The following CHL1 variants were observed in gnomAD, a reference collection of about 807,000 sequenced individuals.
CHL1 encodes the protein cell adhesion molecule L1 like.
In CHL1, 96 loss-of-function variants were observed where a neutral mutation model predicts 141.9. The observed-to-expected ratio is 0.68, with a 90% CI of 0.57 to 0.80. CHL1 has a LOEUF of 0.80. CHL1 is among the 30% of genes least tolerant of loss of function. CHL1 has a pLI of 0.00. For missense variants in CHL1, 1,820 were observed against 1,457.2 expected, an observed-to-expected ratio of 1.25 and a Z score of -4.05; for synonymous variants, 613 against 502.2, an observed-to-expected ratio of 1.22 and a Z score of -2.95.
chr3:260,299 A>C (rs1168299770), intron 2 of CHL1, among the ~76,000 whole-genome samples: 1 of 147,148 alleles, frequency 6.8e-6, no homozygotes, highest in Non-Finnish European at 1.5e-5. Flanking sequence ...AAAAATCAAA[A>C]AATGGCCATC....
chr3:403,770 A>G (rs553356045), intron 27 of CHL1, among the ~76,000 whole-genome samples: 1 of 152,286 alleles, frequency 6.6e-6, no homozygotes, highest in South Asian at 2.1e-4. Flanking sequence ...TCTTTCCCCC[A>G]AACTACATAT....
chr3:302,787 C>T lies in CHL1; in HGVS notation c.-94-16896C>T, dbSNP rs182270317. On this transcript the variant is annotated intron_variant, in intron 2 of 27. Coordinates refer to ENST00000256509, the MANE Select transcript of CHL1 (RefSeq NM_006614.4). ...TCAGTGTTGGCTTTTGTTGCCATTGCTTTTAGTGTTTTAGACATGAATTCT... is the reference window on the plus strand; with the variant it reads ...TCAGTGTTGGCTTTTGTTGCCATTGTTTTTAGTGTTTTAGACATGAATTCT... Among the ~76,000 whole-genome samples the T allele has an allele frequency of 6.3e-3, 965 of 152,220 alleles. 9 individuals are homozygous for T. Among genetic ancestry groups the T allele is most frequent in the Middle Eastern group, 0.024 (7 of 294 alleles).
chr3:286,001 C>T (rs1697098983), intron 2 of CHL1, among the ~76,000 whole-genome samples: 1 of 152,064 alleles, frequency 6.6e-6, no homozygotes, highest in South Asian at 2.1e-4. Flanking sequence ...AACATAATTA[C>T]AGTAATGAAT....
chr3:242,673 T>C (rs402356), intron 1 of CHL1, among the ~76,000 whole-genome samples: 103,668 of 146,634 alleles, frequency 0.71, 35,950 homozygotes, highest in East Asian at 0.9. Flanking sequence ...TAAGAACACA[T>C]GCACACAAAC....
At position 229,103 on chromosome 3, in the gene CHL1, A is replaced by G. The variant is rs573650953; in HGVS notation, c.-174-15510A>G. The stretch of plus-strand genomic sequence containing the variant: ...CAAGCAACCAGCACAGTGAACACTG[A>G]TTTTTGCATTAGCCCCATGTGTTGT... On this transcript the variant is annotated intron_variant, in intron 1 of 27. Transcript: ENST00000256509. Among the ~76,000 whole-genome samples the G allele has an allele frequency of 3.3e-5, 5 of 152,230 alleles. No homozygotes were observed. In the East Asian group the frequency reaches 9.6e-4, roughly 29 times the overall value.
intron 11 of CHL1, among the ~76,000 whole-genome samples, chr3:357,795 T>G (rs1000228557): frequency 2.0e-5 from 3 of 152,206 alleles, no homozygotes; most frequent in South Asian, 4.1e-4. Context: ...ATTTATATAG[T>G]CTAATTTCTT....
rs151116023 is a variant in CHL1, at chr3:310,235, G to T, written c.-94-9448G>T. On this transcript the variant is annotated intron_variant, in intron 2 of 27. Transcript: ENST00000256509. ...ATTTAAGGCCAGGAGTTTGGGAACA[G>T]CCTGGACAGCATAGTGAGACCCCTA... is the stretch of plus-strand genomic sequence containing the variant. 2.8e-3 allele frequency among the ~76,000 whole-genome samples: 430 copies of T among 152,246 alleles called. 4 individuals are homozygous for T. Among genetic ancestry groups the T allele is most frequent in the African/African-American group, 9.9e-3 (410 of 41,530 alleles).
intron 2 of CHL1, among the ~76,000 whole-genome samples, chr3:275,927 G>GT (rs1238137279): frequency 2.0e-5 from 3 of 151,920 alleles, no homozygotes; most frequent in African/African-American, 7.2e-5. Flanking sequence ...TGGCTAAGTA[G>GT]TTTATATTTT....
intron 5 of CHL1, among the ~76,000 whole-genome samples, chr3:337,982 A>G (rs1193552369): frequency 6.6e-6 from 1 of 152,184 alleles, no homozygotes; most frequent in Non-Finnish European, 1.5e-5. Flanking sequence ...TTACAGTCCC[A>G]CCAACAGTTT....
intron 1 of CHL1, among the ~76,000 whole-genome samples, chr3:239,595 A>AT (rs5845955): frequency 0.34 from 49,027 of 145,926 alleles, 9,822 homozygotes; most frequent in Admixed American, 0.45. Flanking sequence ...GTATATATAT[A>AT]AAATATATAT....
chr3:240,254 C>T (rs1280713281), intron 1 of CHL1, among the ~76,000 whole-genome samples: 1 of 152,092 alleles, frequency 6.6e-6, no homozygotes, highest in East Asian at 1.9e-4. Flanking sequence ...ACACCAACAT[C>T]CACTATTTTT....
intron 10 of CHL1, 116 bp downstream of exon 10, chr3:349,659 A>G (rs1225283388): frequency 8.2e-6 from 7 of 849,476 alleles, no homozygotes; most frequent in Non-Finnish European, 1.1e-5. Context: ...TCAACTTTTA[A>G]TTGTAGTGCG....
At chr3:337,214 G>A (rs1377425377) in intron 5 of CHL1, among the ~76,000 whole-genome samples, 4 of 143,210 alleles carry the variant, frequency 2.8e-5, no homozygotes, top group African/African-American at 1.0e-4. Flanking sequence ...TTTTTGAGAC[G>A]GGGTCTTGCT....
rs1709143982 is a variant in CHL1, at chr3:401,617, C to CT, written c.3386-3dup. On this transcript the variant is annotated splice_polypyrimidine_tract_variant and intron_variant, in intron 26 of 27. Transcript: ENST00000256509. ...GTATTACTTTTCCCACTTTTTTTCT[C>CT]TTTTTTAGTTAAAGAAAAGGAAGAT... The CT allele has an allele frequency of 1.3e-6, 2 of 1,551,312 alleles. No individual in the cohort carries two copies. Among genetic ancestry groups the CT allele is most frequent in the Non-Finnish European group, 1.8e-6 (2 of 1,134,918 alleles).
intron 2 of CHL1, among the ~76,000 whole-genome samples, chr3:313,958 C>T (rs904627225): frequency 6.6e-6 from 1 of 151,726 alleles, no homozygotes; most frequent in Non-Finnish European, 1.5e-5. Flanking sequence ...CAATGAGTTA[C>T]ATTAGTTGCT....
At chr3:212,276 A>G (rs1315571316) in intron 1 of CHL1, among the ~76,000 whole-genome samples, 1 of 152,128 alleles carries the variant, frequency 6.6e-6, no homozygotes, top group East Asian at 1.9e-4. Flanking sequence ...TTTATATAGC[A>G]TAATACATTT....
intron 15 of CHL1, among the ~76,000 whole-genome samples, chr3:376,251 G>A (rs1706298740): frequency 6.6e-6 from 1 of 152,194 alleles, no homozygotes; most frequent in East Asian, 1.9e-4. Context: ...ACACCATAGT[G>A]TGACCCCGTG....
rs140725144 is a variant in CHL1 at position 262,952 on chromosome 3, T to C, written c.-95+18260T>C. ...CTATCAGGTGAACTACAATTAGGTA[T>C]TAATCCTTAATGACAGCTTCCTAAT... is the stretch of plus-strand genomic sequence containing the variant. On this transcript the variant is annotated intron_variant, in intron 2 of 27. Coordinates refer to ENST00000256509, the MANE Select transcript of CHL1 (RefSeq NM_006614.4). Among the ~76,000 whole-genome samples the C allele has an allele frequency of 5.6e-3, 850 of 152,308 alleles. 7 individuals are homozygous for C. The highest frequency in any genetic ancestry group is 8.1e-3 in the Non-Finnish European group (554 of 68,036).
intron 2 of CHL1, among the ~76,000 whole-genome samples, chr3:251,340 A>G (rs1693676739): frequency 1.3e-5 from 2 of 152,186 alleles, no homozygotes; most frequent in Admixed American, 1.3e-4. Context: ...CCAGAAAAAT[A>G]TGAGTTCCAG....
Sources: gnomAD v4.1 joint callset for allele counts (sites outside exome capture counted in the v4.1 genomes callset) on GRCh38, gnomAD v4.1.1 for gene constraint, MANE v1.5 for transcripts, NCBI Gene and HGNC (gene_info 2026-07-23, HGNC 2026-07-21) for gene names.